The following ARIH2 variants were observed in gnomAD, a reference collection of about 807,000 sequenced individuals.
ARIH2 encodes ariadne RBR E3 ubiquitin protein ligase 2, also known as E3 ubiquitin-protein ligase ARIH2.
ARIH2 carries 12 observed loss-of-function variants against 79.8 expected under a neutral mutation model. The ratio of observed to expected loss-of-function variants is 0.15; its 90% CI spans 0.10 to 0.24. The LOEUF (loss-of-function observed/expected upper bound fraction) is 0.24. Ranked by LOEUF, ARIH2 falls within the 10% of genes least tolerant of loss-of-function variation. ARIH2 has a pLI of 1.00. For synonymous variants in ARIH2, 224 were observed against 213.9 expected, an observed-to-expected ratio of 1.05 and a Z score of -0.41; for missense variants, 301 against 618.3, an observed-to-expected ratio of 0.49 and a Z score of 5.44.
chr3:48,973,603 C>G (rs1286351108), intron 8 of ARIH2, 96 bp from the exon 9 acceptor site: 4 of 755,352 alleles, frequency 5.3e-6, no homozygotes, highest in Non-Finnish European at 6.7e-6. Flanking sequence ...GAAAAAAGCT[C>G]TAATTCATGA....
intron 8 of ARIH2, among the ~76,000 whole-genome samples, chr3:48,972,030 G>A (rs184290419): frequency 7.9e-5 from 12 of 152,086 alleles, no homozygotes; most frequent in Admixed American, 5.2e-4. Flanking sequence ...GATTTTGCAC[G>A]TTCTGGCATT....
chr3:48,949,200 C>A, intron 3 of ARIH2: 1 of 432,800 alleles, frequency 2.3e-6, no homozygotes, highest in Admixed American at 2.4e-5. Context: ...TCACTGCAAG[C>A]TCCACCTCCT....
intron 3 of ARIH2, among the ~76,000 whole-genome samples, chr3:48,940,398 A>G (rs1367344670): frequency 6.6e-6 from 1 of 151,962 alleles, no homozygotes; most frequent in Non-Finnish European, 1.5e-5. Flanking sequence ...AGAGAGAGAG[A>G]GAGCGCACAA....
At chr3:48,945,604 G>A (rs1220415303) in intron 3 of ARIH2, among the ~76,000 whole-genome samples, 2 of 152,138 alleles carry the variant, frequency 1.3e-5, no homozygotes, top group Non-Finnish European at 2.9e-5. Context: ...AGCAGGAATT[G>A]ATCTCTCTCT....
At chr3:48,931,824 C>T (rs1035828014) in intron 3 of ARIH2, among the ~76,000 whole-genome samples, 1 of 152,046 alleles carries the variant, frequency 6.6e-6, no homozygotes, top group Non-Finnish European at 1.5e-5. Context: ...CTGGCTAACA[C>T]AGTGAAAAAC....
At chr3:48,962,305 A>T (rs972686796) in intron 4 of ARIH2, among the ~76,000 whole-genome samples, 2 of 151,892 alleles carry the variant, frequency 1.3e-5, no homozygotes, top group African/African-American at 4.8e-5. Flanking sequence ...TAAACCCTGG[A>T]GGCAGAGGTT....
chr3:48,942,170 C>G (rs747909125), intron 3 of ARIH2, among the ~76,000 whole-genome samples: 1 of 151,756 alleles, frequency 6.6e-6, no homozygotes, highest in Non-Finnish European at 1.5e-5. Context: ...CCTGCTTCAG[C>G]CTCCTAAATA....
Position 48,983,251 on chromosome 3 carries a change from A to G in ARIH2, c.1463A>G (p.Lys488Arg). Residue 488 changes from lysine (K) to arginine (R), a missense_variant, in exon 16 of 16, where the codon AAA becomes AGA. By Grantham distance (26) the Lys-to-Arg change is conservative. This residue lies in a region of ARIH2 where 78 missense variants were observed against 268.9 expected (regional missense o/e 0.29). Coordinates refer to ENST00000356401, the MANE Select transcript of ARIH2 (RefSeq NM_006321.4). ...IAEQRRRTLL[K>R]DFHDT ...GAGCAGCGGAGGAGAACCCTGCTGA[A>G]AGATTTCCATGACACCTAAGTTGGG... 2.5e-6 allele frequency: 4 copies of G among 1,614,200 alleles called. No individual in the cohort carries two copies. The highest frequency in any genetic ancestry group is 3.4e-6 in the Non-Finnish European group (4 of 1,180,048).
chr3:48,955,929 C>T (rs936076148), intron 3 of ARIH2, among the ~76,000 whole-genome samples: 3 of 152,108 alleles, frequency 2.0e-5, no homozygotes, highest in African/African-American at 7.2e-5. Flanking sequence ...CTGTTTTTCT[C>T]CATCTCTGTG....
At chr3:48,973,037 GTGT>G (rs1559845132) in intron 8 of ARIH2, among the ~76,000 whole-genome samples, 1 of 152,208 alleles carries the variant, frequency 6.6e-6, no homozygotes, top group Non-Finnish European at 1.5e-5. Context: ...TTATTTGTGC[GTGT>G]TAGAGCATGT....
At chr3:48,945,832 A>C (rs2107307515) in intron 3 of ARIH2, among the ~76,000 whole-genome samples, 1 of 152,272 alleles carries the variant, frequency 6.6e-6, no homozygotes, top group East Asian at 1.9e-4. Flanking sequence ...TAAAGCTGAA[A>C]CAGAAGTAGG....
intron 1 of ARIH2, chr3:48,921,500 T>TCTCGGTTCACTGCAGC (rs2084818972): frequency 6.7e-6 from 1 of 148,282 alleles, no homozygotes; most frequent in Non-Finnish European, 1.5e-5. Flanking sequence ...AGTGGTGCAG[T>TCTCGGTTCACTGCAGC]CTCGGTTCAC....
chr3:48,972,331 T>C (rs995260483), intron 8 of ARIH2, among the ~76,000 whole-genome samples: 2 of 152,208 alleles, frequency 1.3e-5, no homozygotes, highest in African/African-American at 4.8e-5. Flanking sequence ...CTAATTTTTT[T>C]AAATTTGTTG....
rs1411312691 is a variant in ARIH2 at position 48,920,900 on chromosome 3, AG to A, written c.-161-1847del. Among the ~76,000 whole-genome samples the A allele has an allele frequency of 9.7e-5, 7 of 72,190 alleles. 3 individuals are homozygous for A. The highest frequency in any genetic ancestry group is 3.0e-4 in the African/African-American group (7 of 23,110). The allele number at this position is 72,190 out of a possible 152,430, so 47.4% of individuals were successfully genotyped here. A position where few individuals can be genotyped will look rare whatever the true frequency, so the allele number is the denominator to read the frequency against. On this transcript the variant is annotated intron_variant, in intron 1 of 15. Coordinates refer to ENST00000356401, the MANE Select transcript of ARIH2 (RefSeq NM_006321.4). ...GCAAGACTCTCAAAAAAAAAAAAAAAGAAAGAAAAGAAAAGAAATATTGTCC... is the reference window on the plus strand; with the variant it reads ...GCAAGACTCTCAAAAAAAAAAAAAAAAAAGAAAAGAAAAGAAATATTGTCC...
intron 13 of ARIH2, 35 bp downstream of exon 13, chr3:48,980,531 A>G (rs1400873113): frequency 6.2e-7 from 1 of 1,608,260 alleles, no homozygotes; most frequent in East Asian, 2.2e-5. Flanking sequence ...TCCCTGGTCC[A>G]GTGCCTGGCT....
In ARIH2 at chr3:48,983,334, G is replaced by A; in HGVS notation, c.*64G>A. On this transcript the variant is annotated 3_prime_UTR_variant, in exon 16 of 16. Coordinates refer to ENST00000356401, the MANE Select transcript of ARIH2 (RefSeq NM_006321.4). ...TGCAAGGTCTCCCGGCTGCCATACT[G>A]CATGCTGCAGGCTCTGCCTTTCATG... The A allele has an allele frequency of 1.3e-6, 2 of 1,537,080 alleles. No individual in the cohort carries two copies. The highest frequency in any genetic ancestry group is 1.1e-5 in the South Asian group (1 of 89,570).
At chr3:48,940,951 C>T (rs556918599) in intron 3 of ARIH2, among the ~76,000 whole-genome samples, 1 of 151,454 alleles carries the variant, frequency 6.6e-6, no homozygotes, top group South Asian at 2.1e-4. Flanking sequence ...AGGCGGATCA[C>T]GAGGTCAGGA....
chr3:48,931,559 A>G (rs2086364636), intron 3 of ARIH2, among the ~76,000 whole-genome samples: 1 of 151,942 alleles, frequency 6.6e-6, no homozygotes, highest in Admixed American at 6.5e-5. Context: ...AAAAAAAAAA[A>G]AGAGAAAAAA....
At chr3:48,957,869 C>T (rs1041918014) in intron 3 of ARIH2, among the ~76,000 whole-genome samples, 1 of 152,080 alleles carries the variant, frequency 6.6e-6, no homozygotes, top group Non-Finnish European at 1.5e-5. Context: ...GCACCTACCA[C>T]CACACCCAGC....
Sources: gnomAD v4.1 joint callset for allele counts (sites outside exome capture counted in the v4.1 genomes callset) on GRCh38, gnomAD v4.1.1 for gene constraint, gnomAD v4.1.1 regional missense constraint, MANE v1.5 for transcripts, NCBI Gene and HGNC (gene_info 2026-07-23, HGNC 2026-07-21) for gene names.